The following SARDH variants were observed in gnomAD, a reference collection of about 807,000 sequenced individuals.
SARDH encodes the protein sarcosine dehydrogenase, mitochondrial.
SARDH carries 95 observed loss-of-function variants against 109.1 expected under a neutral mutation model. The observed-to-expected ratio is 0.87, with a 90% CI of 0.74 to 1.03. The LOEUF is 1.03. Ranked by LOEUF, SARDH falls within the 50% of genes least tolerant of loss-of-function variation. The pLI is 0.00. For missense variants in SARDH, 1,267 were observed against 1,287.8 expected (o/e 0.98, Z 0.25); for synonymous variants, 572 against 534.8 (o/e 1.07, Z -0.96).
chr9:133,713,661 C>T (rs1453342673), intron 8 of SARDH, among the ~76,000 whole-genome samples: 3 of 152,216 alleles, frequency 2.0e-5, no homozygotes, highest in Admixed American at 6.5e-5. Flanking sequence ...TGTCCCACTC[C>T]GGCGGCCACA....
chr9:133,687,910 C>T (rs1325850840), intron 16 of SARDH, among the ~76,000 whole-genome samples: 1 of 152,192 alleles, frequency 6.6e-6, no homozygotes, highest in African/African-American at 2.4e-5. Context: ...AAGAAATTAC[C>T]AGGAGGCAGC....
At chr9:133,690,757 T>C (rs1182179969) in intron 15 of SARDH, among the ~76,000 whole-genome samples, 3 of 152,088 alleles carry the variant, frequency 2.0e-5, no homozygotes, top group South Asian at 2.1e-4. Context: ...TCTCAACCCC[T>C]ACCACCCACC....
chr9:133,688,944 A>C (rs937946145), intron 16 of SARDH, among the ~76,000 whole-genome samples: 2 of 152,188 alleles, frequency 1.3e-5, no homozygotes, highest in African/African-American at 2.4e-5. Context: ...GCCCCTGAGC[A>C]CCACAGTGCA....
At chr9:133,697,178 A>C (rs1831316082) in intron 13 of SARDH, among the ~76,000 whole-genome samples, 1 of 152,226 alleles carries the variant, frequency 6.6e-6, no homozygotes, top group Non-Finnish European at 1.5e-5. Flanking sequence ...CGTGTATGCC[A>C]ACAGACTAGA....
Position 133,704,896 on chromosome 9 carries a change from G to A in SARDH, c.1554+52C>T. ...GGACGGGGCACGTGGAGGGGCAAGG[G>A]GGTTGTCAGGGCAGGGCCTCCCAGC... On this transcript the variant is annotated intron_variant, in intron 12 of 20. Coordinates refer to ENST00000439388, the MANE Select transcript of SARDH (RefSeq NM_001134707.2). The surrounding 1 kb of genome is among the most constrained non-coding windows in gnomAD (Gnocchi z 4.5). 1 of 1,487,440 alleles carries A rather than the reference G, an allele frequency of 6.7e-7. No individual in the cohort carries two copies. Among genetic ancestry groups the A allele is most frequent in the Non-Finnish European group, 9.2e-7 (1 of 1,089,494 alleles). The allele number at this position is 1,487,440 out of a possible 1,614,324, so 92.1% of individuals were successfully genotyped here.
rs972214271 is a variant in SARDH, at chr9:133,734,324, C to G, written c.-30-121G>C. ...CCAGGGCCTTCCTCTTGCCACTTCC[C>G]CATGGCATTCATTCATTCACTCATT... On this transcript the variant is annotated intron_variant, in intron 1 of 20. Transcript: ENST00000439388. 11 of 489,466 alleles carry G rather than the reference C, an allele frequency of 2.2e-5. No individual in the cohort carries two copies. In the South Asian group the frequency reaches 4.6e-4, roughly 20 times the overall value. 30.3% of individuals were successfully genotyped at this position (489,466 alleles called of 1,614,324 possible). A position where few individuals can be genotyped will look rare whatever the true frequency, so the allele number is the denominator to read the frequency against.
rs759410825 is a variant in SARDH at position 133,712,966 on chromosome 9, C to T, written c.1237+72G>A. ...TCGGGGGCCACGGTGCTCCTGCGCCCGCCTCCCCCAGAGCTCTGGGAATGA... is the reference window on the plus strand; with the variant it reads ...TCGGGGGCCACGGTGCTCCTGCGCCTGCCTCCCCCAGAGCTCTGGGAATGA... On this transcript the variant is annotated intron_variant, in intron 9 of 20. Coordinates refer to ENST00000439388, the MANE Select transcript of SARDH (RefSeq NM_001134707.2). This position sits in a 1 kb window ranked among gnomAD's most constrained non-coding sequence, Gnocchi z 4.1. 1.9e-5 allele frequency: 28 copies of T among 1,458,204 alleles called. No homozygotes were observed. Among genetic ancestry groups the T allele is most frequent in the Non-Finnish European group, 2.4e-5 (26 of 1,065,204 alleles). 90.3% of individuals were successfully genotyped at this position (1,458,204 alleles called of 1,614,324 possible).
rs1564224436 is a variant in SARDH at position 133,666,450 on chromosome 9, G to T, written c.2631+285C>A. Among the ~76,000 whole-genome samples, 1 of 152,160 alleles carries T rather than the reference G, an allele frequency of 6.6e-6. No individual in the cohort carries two copies. The highest frequency in any genetic ancestry group is 1.5e-5 in the Non-Finnish European group (1 of 68,010). On this transcript the variant is annotated intron_variant, in intron 20 of 20. Coordinates refer to ENST00000439388, the MANE Select transcript of SARDH (RefSeq NM_001134707.2). The surrounding 1 kb of genome is among the most constrained non-coding windows in gnomAD (Gnocchi z 5.2). ...GGCTCTGCCCAGGCACAGCTGGGGA[G>T]TCCTCCACCTGCTGAGGCCTCTTCC...
chr9:133,690,288 T>C, intron 16 of SARDH, 92 bp downstream of exon 16: 2 of 1,479,232 alleles, frequency 1.4e-6, no homozygotes, highest in Admixed American at 1.8e-5. Flanking sequence ...GAATGGCCCA[T>C]TCTGGACAAG....
intron 3 of SARDH, 40 bp downstream of exon 3, chr9:133,732,383 C>T: frequency 2.6e-6 from 3 of 1,168,002 alleles, no homozygotes; most frequent in Non-Finnish European, 2.5e-6. Flanking sequence ...CACCCACCCA[C>T]CCAAGCCCCC....
chr9:133,677,813 C>T (rs1830569153), intron 17 of SARDH, among the ~76,000 whole-genome samples: 1 of 152,196 alleles, frequency 6.6e-6, no homozygotes, highest in African/African-American at 2.4e-5. Context: ...ATTCCTGAAG[C>T]CAGCAGAGCC....
At chr9:133,702,802 G>A (rs959771965) in intron 13 of SARDH, 114 bp downstream of exon 13, 58 of 869,716 alleles carry the variant, frequency 6.7e-5, no homozygotes, top group Non-Finnish European at 9.6e-5. Flanking sequence ...TGCAGAGCCC[G>A]AAGAGACTCC....
chr9:133,723,391 A>C (rs1046220255), intron 6 of SARDH, among the ~76,000 whole-genome samples: 18 of 152,262 alleles, frequency 1.2e-4, no homozygotes, highest in Admixed American at 2.0e-4. Context: ...CTTACTGCAA[A>C]GCTACATAAT....
chr9:133,700,504 C>G (rs1390253092), intron 13 of SARDH, among the ~76,000 whole-genome samples: 2 of 152,036 alleles, frequency 1.3e-5, no homozygotes. Flanking sequence ...CTAGATATAT[C>G]TACAGAGAGA....
At chr9:133,672,365 C>T (rs1031641630) in intron 17 of SARDH, among the ~76,000 whole-genome samples, 3 of 152,200 alleles carry the variant, frequency 2.0e-5, no homozygotes, top group Admixed American at 6.5e-5. Context: ...CAGGTTCTGA[C>T]GAGTTAGGAT....
intron 14 of SARDH, among the ~76,000 whole-genome samples, chr9:133,695,408 A>C (rs1461466321): frequency 6.6e-6 from 1 of 152,180 alleles, no homozygotes; most frequent in Admixed American, 6.5e-5. Flanking sequence ...GCGCCATTGC[A>C]CTCCAGCCTG....
chr9:133,690,244 G>T, intron 16 of SARDH, 136 bp downstream of exon 16: 1 of 895,490 alleles, frequency 1.1e-6, no homozygotes, highest in Non-Finnish European at 1.7e-6. Context: ...ATTCAGAATG[G>T]CATCTCTGGT....
At position 133,725,030 on chromosome 9, in the gene SARDH, A is replaced by G. The variant is rs140441860; in HGVS notation, c.915+4735T>C. On this transcript the variant is annotated intron_variant, in intron 6 of 20. Coordinates refer to ENST00000439388, the MANE Select transcript of SARDH (RefSeq NM_001134707.2). ...TGGGTGAACGGATAAAGTGCATTGT[A>G]TCCATACAATGGAGTATTATTCAGC... Among the ~76,000 whole-genome samples, 17 of 152,354 alleles carry G rather than the reference A, an allele frequency of 1.1e-4. No homozygotes were observed. In the East Asian group the frequency reaches 3.1e-3, roughly 28 times the overall value.
At chr9:133,661,195 C>T (rs1832407649), downstream of SARDH, among the ~76,000 whole-genome samples, 2 of 151,956 alleles carry the variant, frequency 1.3e-5, no homozygotes, top group Admixed American at 6.6e-5. Flanking sequence ...CAAAAATTAG[C>T]CAGGCTGTGG....
Sources: gnomAD v4.1 joint callset for allele counts (sites outside exome capture counted in the v4.1 genomes callset) on GRCh38, gnomAD v4.1.1 for gene constraint, Gnocchi (gnomAD v3.1) non-coding constraint, MANE v1.5 for transcripts, NCBI Gene and HGNC (gene_info 2026-07-23, HGNC 2026-07-21) for gene names.